The following SYT14 variants were observed in gnomAD, a reference collection of about 807,000 sequenced individuals.
SYT14 encodes synaptotagmin-14.
SYT14 carries 32 observed loss-of-function variants against 74.2 expected under a neutral mutation model. That is an observed-to-expected ratio of 0.43 (90% CI 0.33 to 0.58). The LOEUF is 0.58. SYT14 is among the 20% of genes least tolerant of loss of function. The probability of loss-of-function intolerance (pLI) is 0.05; values close to 1 mark genes in which losing one functional copy is unlikely to be tolerated. For missense variants in SYT14, 791 were observed against 981.8 expected (o/e 0.81, Z 2.60); for synonymous variants, 298 against 337.7 (o/e 0.88, Z 1.29).
In SYT14 at chr1:210,017,091, C is replaced by T; in HGVS notation, c.1088C>T (p.Pro363Leu). The change falls in exon 4 of 10, where the codon CCA becomes CTA. Residue 363 changes from proline (P) to leucine (L), a missense_variant. Physicochemically the swap from Pro to Leu is moderately conservative, Grantham distance 98. Coordinates refer to ENST00000637265, the Ensembl canonical transcript of SYT14. Reference sequence around the variant, plus strand: ...GATGAAAAATATTCTAAGATAATACCAGAAAAAGGTGAGGTCTCCTAATGT... The same window carrying T: ...GATGAAAAATATTCTAAGATAATACTAGAAAAAGGTGAGGTCTCCTAATGT... The T allele has an allele frequency of 4.1e-6, 5 of 1,231,454 alleles. No individual in the cohort carries two copies. The South Asian group carries it at 1.6e-4, about 41-fold the overall frequency. The allele number at this position is 1,231,454 out of a possible 1,614,324, so 76.3% of individuals were successfully genotyped here.
intron 7 of SYT14, among the ~76,000 whole-genome samples, chr1:210,114,105 A>T (rs978617252): frequency 6.6e-6 from 1 of 151,428 alleles, no homozygotes; most frequent in Admixed American, 6.5e-5. Flanking sequence ...TCTGGGAAGG[A>T]GTCAGTCAGA....
intron 2 of SYT14, among the ~76,000 whole-genome samples, chr1:209,962,421 G>T (rs2079090509): frequency 6.6e-6 from 1 of 151,900 alleles, no homozygotes; most frequent in East Asian, 1.9e-4. Context: ...ATTTCAATTA[G>T]GTTGTGAATT....
chr1:210,043,490 G>A (rs2080831613), intron 5 of SYT14, among the ~76,000 whole-genome samples: 2 of 152,050 alleles, frequency 1.3e-5, no homozygotes, highest in African/African-American at 4.8e-5. Context: ...TGGGTTAATT[G>A]GAAAATGTTG....
At chr1:210,106,817 A>G (rs2082167166) in intron 7 of SYT14, among the ~76,000 whole-genome samples, 1 of 152,062 alleles carries the variant, frequency 6.6e-6, no homozygotes, top group Non-Finnish European at 1.5e-5. Context: ...TCACATTTCA[A>G]AACAAAATCC....
intron 2 of SYT14, among the ~76,000 whole-genome samples, chr1:209,959,730 A>G (rs992843004): frequency 6.6e-6 from 1 of 152,220 alleles, no homozygotes. Flanking sequence ...AGACAAATCT[A>G]TAGAGACAGA....
chr1:209,982,809 C>T lies in SYT14; in HGVS notation c.-486+30053C>T, dbSNP rs576192939. ...GAGTCGCTGTGCCATGTTGCATTTACGGCAGCCATTAATGAGGATTCCTGT... is the reference window on the plus strand; with the variant it reads ...GAGTCGCTGTGCCATGTTGCATTTATGGCAGCCATTAATGAGGATTCCTGT... On this transcript the variant is annotated intron_variant, in intron 2 of 9. Coordinates refer to ENST00000637265, the Ensembl canonical transcript of SYT14. Among the ~76,000 whole-genome samples, 24 of 152,306 alleles carry T rather than the reference C, an allele frequency of 1.6e-4. No homozygotes were observed. The South Asian group carries it at 3.5e-3, about 22-fold the overall frequency.
intron 3 of SYT14, among the ~76,000 whole-genome samples, chr1:210,014,706 T>C (rs1423654337): frequency 1.3e-5 from 2 of 152,134 alleles, no homozygotes; most frequent in African/African-American, 4.8e-5. Context: ...AAACTATAAA[T>C]AGTATTTTAT....
intron 7 of SYT14, among the ~76,000 whole-genome samples, chr1:210,137,095 A>G (rs530934666): frequency 5.3e-5 from 8 of 152,300 alleles, no homozygotes; most frequent in South Asian, 4.1e-4. Flanking sequence ...AAAATTTTAT[A>G]CAAATGAATT....
intron 5 of SYT14, among the ~76,000 whole-genome samples, chr1:210,056,659 C>CAAAAAAAAAAAAAAAAAAAAAAAA (rs1196789715): frequency 1.3e-5 from 1 of 79,386 alleles, no homozygotes; most frequent in Non-Finnish European, 2.3e-5. Context: ...ACTAAAAATA[C>CAAAAAAAAAAAAAAAAAAAAAAAA]AAAAAAAAAA....
intron 2 of SYT14, among the ~76,000 whole-genome samples, chr1:210,012,115 G>A (rs1164553367): frequency 6.6e-6 from 1 of 152,004 alleles, no homozygotes; most frequent in African/African-American, 2.4e-5. Context: ...TTCTGTCTCT[G>A]GGCTTTTGCA....
chr1:210,044,903 G>T (rs74730053), intron 5 of SYT14, among the ~76,000 whole-genome samples: 2,925 of 152,182 alleles, frequency 0.019, 47 homozygotes, highest in Middle Eastern at 0.034. Context: ...CAGTGAGTTG[G>T]CAGGGATGTC....
At chr1:209,975,293 A>G (rs528759186) in intron 2 of SYT14, among the ~76,000 whole-genome samples, 3 of 152,298 alleles carry the variant, frequency 2.0e-5, no homozygotes, top group South Asian at 4.1e-4. Context: ...TCAGTTTTCA[A>G]AGGGAATGCT....
chr1:210,163,517 A>G (rs1179535182), exon 10 of SYT14: 2 of 453,586 alleles, frequency 4.4e-6, no homozygotes, highest in Non-Finnish European at 8.8e-6. Context: ...TCATTTGTAA[A>G]GGCAAAGGTG....
intron 3 of SYT14, among the ~76,000 whole-genome samples, chr1:210,015,362 A>G (rs1006480070): frequency 1.3e-5 from 2 of 152,090 alleles, no homozygotes; most frequent in African/African-American, 4.8e-5. Context: ...AGGGAACTTA[A>G]TTTTTCTGAG....
rs140406267 is a variant in SYT14, at chr1:210,040,079, T to C, written c.1312+18825T>C. ...AAAGACACATGCACACATATGTTTA[T>C]TGCAGCACTGTTCACAATAGCAAAG... On this transcript the variant is annotated intron_variant, in intron 5 of 9. Transcript: ENST00000637265. 2.1e-3 allele frequency among the ~76,000 whole-genome samples: 315 copies of C among 152,304 alleles called. 1 individual carries two copies. Among genetic ancestry groups the C allele is most frequent in the African/African-American group, 6.9e-3 (285 of 41,564 alleles).
chr1:210,089,437 TC>T (rs1300787042), intron 5 of SYT14, among the ~76,000 whole-genome samples: 5 of 152,198 alleles, frequency 3.3e-5, no homozygotes, highest in Non-Finnish European at 5.9e-5. Flanking sequence ...TGGTTCTAGA[TC>T]CTTGAGGGAT....
At chr1:209,990,706 A>G (rs2102839740) in intron 2 of SYT14, among the ~76,000 whole-genome samples, 1 of 150,856 alleles carries the variant, frequency 6.6e-6, no homozygotes, top group African/African-American at 2.4e-5. Context: ...TGCCTGTATC[A>G]AAATAACTAA....
At chr1:210,049,797 C>T (rs921796511) in intron 5 of SYT14, among the ~76,000 whole-genome samples, 2 of 152,154 alleles carry the variant, frequency 1.3e-5, no homozygotes, top group South Asian at 2.1e-4. Context: ...AGCCACGGCC[C>T]GAGCTCTGTG....
intron 2 of SYT14, among the ~76,000 whole-genome samples, chr1:209,970,955 C>T (rs2079244496): frequency 6.6e-6 from 1 of 152,030 alleles, no homozygotes; most frequent in South Asian, 2.1e-4. Flanking sequence ...GCTGGGATTA[C>T]AGGTGTGAGC....
Sources: gnomAD v4.1 joint callset for allele counts (sites outside exome capture counted in the v4.1 genomes callset) on GRCh38, gnomAD v4.1.1 for gene constraint, MANE v1.5 for transcripts, NCBI Gene and HGNC (gene_info 2026-07-23, HGNC 2026-07-21) for gene names.